Variants in STK39 observed in about 807,000 individuals in gnomAD.
STK39 encodes the protein serine/threonine kinase 39, also known as STE20/SPS1-related proline-alanine-rich protein kinase.
A neutral mutation model predicts 77.8 loss-of-function variants in STK39; 20 were observed. That is an observed-to-expected ratio of 0.26 (90% confidence interval 0.18 to 0.37). The LOEUF (loss-of-function observed/expected upper bound fraction) is 0.37. STK39 is among the 10% of genes least tolerant of loss of function. The pLI is 1.00. For missense variants in STK39, 479 were observed against 656.5 expected (o/e 0.73, Z 2.95); for synonymous variants, 246 against 234.1 (o/e 1.05, Z -0.47).
intron 16 of STK39, among the ~76,000 whole-genome samples, chr2:167,979,440 T>C (rs909088999): frequency 5.9e-5 from 9 of 152,218 alleles, no homozygotes; most frequent in Non-Finnish European, 1.2e-4. Flanking sequence ...CATCTTTTCA[T>C]GCGCATATTT....
chr2:168,113,269 T>C (rs894402954), intron 10 of STK39, among the ~76,000 whole-genome samples: 1 of 152,192 alleles, frequency 6.6e-6, no homozygotes, highest in South Asian at 2.1e-4. Context: ...ACATTAATAA[T>C]GCTAGTAAAG....
chr2:167,973,987 A>G (rs1559040025), intron 16 of STK39, among the ~76,000 whole-genome samples: 1 of 152,208 alleles, frequency 6.6e-6, no homozygotes, highest in Non-Finnish European at 1.5e-5. Flanking sequence ...TTATGGTTAA[A>G]CTGATTAAGA....
intron 5 of STK39, among the ~76,000 whole-genome samples, chr2:168,144,101 A>AGC (rs1275025336): frequency 6.6e-6 from 1 of 152,180 alleles, no homozygotes; most frequent in Non-Finnish European, 1.5e-5. Context: ...AATGCTACTA[A>AGC]GCCTTGAGGA....
rs1216099147 is a variant in STK39 at position 168,247,210 on chromosome 2, C to G, written c.208+18G>C. The G allele has an allele frequency of 2.5e-6, 3 of 1,197,644 alleles. No individual in the cohort carries two copies. In the South Asian group the frequency reaches 7.3e-5, roughly 29 times the overall value. 74.2% of individuals were successfully genotyped at this position (1,197,644 alleles called of 1,614,324 possible). ...GGCGCCCGGCCTGTGCCGGCCCCGC[C>G]GCGCCCGCCGCACTGACCGATAACC... On this transcript the variant is annotated intron_variant, in intron 1 of 17. Transcript: ENST00000355999.
chr2:167,990,308 T>C (rs1683668865), intron 16 of STK39, among the ~76,000 whole-genome samples: 1 of 152,226 alleles, frequency 6.6e-6, no homozygotes, highest in Admixed American at 6.5e-5. Flanking sequence ...GATTTATTTC[T>C]GGCTGGCTGG....
intron 10 of STK39, among the ~76,000 whole-genome samples, chr2:168,093,036 T>A (rs1686566300): frequency 6.6e-6 from 1 of 152,150 alleles, no homozygotes; most frequent in Non-Finnish European, 1.5e-5. Flanking sequence ...CTCCTGTGCA[T>A]CTCCCCCTGG....
chr2:168,098,536 C>A (rs1038376828), intron 10 of STK39, among the ~76,000 whole-genome samples: 3 of 152,122 alleles, frequency 2.0e-5, no homozygotes, highest in African/African-American at 7.2e-5. Flanking sequence ...AATAAGCATC[C>A]GTGACACCCT....
intron 16 of STK39, among the ~76,000 whole-genome samples, chr2:168,005,075 A>G (rs183123728): frequency 0.011 from 1,470 of 137,158 alleles, 28 homozygotes; most frequent in African/African-American, 0.038. Flanking sequence ...GCGCGATCTC[A>G]GCTCACTGCA....
chr2:167,999,469 T>G (rs965777238), intron 16 of STK39, among the ~76,000 whole-genome samples: 19 of 152,138 alleles, frequency 1.2e-4, no homozygotes, highest in African/African-American at 4.6e-4. Context: ...TATTTTATTT[T>G]TATCTTTTTT....
intron 1 of STK39, among the ~76,000 whole-genome samples, chr2:168,227,974 A>G (rs1829227): frequency 0.058 from 8,877 of 152,226 alleles, 666 homozygotes; most frequent in East Asian, 0.26. Context: ...TTTTTCTACC[A>G]ATCAACGAAG....
At chr2:168,139,316 C>T (rs73971320) in intron 7 of STK39, among the ~76,000 whole-genome samples, 27,970 of 151,692 alleles carry the variant, frequency 0.18, 3,265 homozygotes, top group African/African-American at 0.32. Context: ...CAATTGTTTA[C>T]GCTTCAATTT....
chr2:167,981,782 G>A (rs150322835), intron 16 of STK39, among the ~76,000 whole-genome samples: 1 of 152,240 alleles, frequency 6.6e-6, no homozygotes, highest in Non-Finnish European at 1.5e-5. Context: ...GATTAAATCT[G>A]AAAGATCATC....
At chr2:168,095,033 C>T (rs374893941) in intron 10 of STK39, among the ~76,000 whole-genome samples, 4 of 152,266 alleles carry the variant, frequency 2.6e-5, no homozygotes, top group Admixed American at 6.5e-5. Context: ...TCACTTGTCC[C>T]CTGTCCTATG....
chr2:167,990,885 T>G (rs1482253325), intron 16 of STK39, among the ~76,000 whole-genome samples: 6 of 152,192 alleles, frequency 3.9e-5, no homozygotes, highest in Non-Finnish European at 7.3e-5. Flanking sequence ...GCAAAGTCAC[T>G]GAATGACCCA....
At chr2:168,168,423 C>T (rs1181982711) in intron 2 of STK39, among the ~76,000 whole-genome samples, 1 of 152,098 alleles carries the variant, frequency 6.6e-6, no homozygotes, top group Admixed American at 6.5e-5. Flanking sequence ...ATAAAAAGGA[C>T]AAGAATAACC....
At chr2:168,018,598 G>GAAAT (rs1553514740) in intron 14 of STK39, among the ~76,000 whole-genome samples, 12 of 149,274 alleles carry the variant, frequency 8.0e-5, no homozygotes, top group East Asian at 2.0e-4. Context: ...AAGAAAGAAA[G>GAAAT]AAATTGCAGT....
intron 10 of STK39, among the ~76,000 whole-genome samples, chr2:168,093,276 AC>A (rs1342386196): frequency 6.6e-6 from 1 of 152,206 alleles, no homozygotes; most frequent in Non-Finnish European, 1.5e-5. Context: ...ATGAAGAAAT[AC>A]CCAAGACTGG....
intron 1 of STK39, among the ~76,000 whole-genome samples, chr2:168,188,970 C>T (rs1689273931): frequency 6.6e-6 from 1 of 152,208 alleles, no homozygotes; most frequent in Non-Finnish European, 1.5e-5. Context: ...TGGTGACCCT[C>T]CTAAGTGACC....
At chr2:168,062,693 C>T (rs569345147) in intron 14 of STK39, among the ~76,000 whole-genome samples, 2 of 152,130 alleles carry the variant, frequency 1.3e-5, no homozygotes, top group Non-Finnish European at 2.9e-5. Flanking sequence ...TGCTGATGAA[C>T]CCGCTTTTTG....
Sources: gnomAD v4.1 joint callset for allele counts (sites outside exome capture counted in the v4.1 genomes callset) on GRCh38, gnomAD v4.1.1 for gene constraint, MANE v1.5 for transcripts, NCBI Gene and HGNC (gene_info 2026-07-23, HGNC 2026-07-21) for gene names.